The following KCNMA1 variants were observed in gnomAD, a reference collection of about 807,000 sequenced individuals.
KCNMA1 encodes the protein Calcium-activated potassium channel subunit alpha-1.
KCNMA1 carries 29 observed loss-of-function variants against 140.0 expected under a neutral mutation model. The observed-to-expected ratio is 0.21, with a 90% CI of 0.15 to 0.28. The LOEUF is 0.28. Among genes scored for constraint, KCNMA1 ranks in the 10% least tolerant of loss-of-function variants. KCNMA1 has a pLI of 1.00. For missense variants in KCNMA1, 880 were observed against 1,602.2 expected, an observed-to-expected ratio of 0.55 and a Z score of 7.70; for synonymous variants, 612 against 611.9, an observed-to-expected ratio of 1.00 and a Z score of 0.00.
At chr10:77,194,380 C>A (rs1309259318) in intron 3 of KCNMA1, among the ~76,000 whole-genome samples, 1 of 152,136 alleles carries the variant, frequency 6.6e-6, no homozygotes, top group African/African-American at 2.4e-5. Context: ...GCCTTGGACT[C>A]TTTGGGCCTC....
intron 23 of KCNMA1, among the ~76,000 whole-genome samples, chr10:76,917,296 A>G (rs1004707363): frequency 2.0e-5 from 3 of 152,202 alleles, no homozygotes; most frequent in Non-Finnish European, 4.4e-5. Context: ...ATCCATCATC[A>G]AATGCTGACT....
chr10:76,997,856 AC>A (rs2084900596), intron 19 of KCNMA1, among the ~76,000 whole-genome samples: 1 of 152,228 alleles, frequency 6.6e-6, no homozygotes, highest in African/African-American at 2.4e-5. Context: ...TGGAAACAAA[AC>A]CAAGATGATC....
At chr10:77,626,607 A>G (rs2092557090) in intron 1 of KCNMA1, among the ~76,000 whole-genome samples, 1 of 152,144 alleles carries the variant, frequency 6.6e-6, no homozygotes, top group Non-Finnish European at 1.5e-5. Flanking sequence ...TTCCAAAACC[A>G]CATAAAGAGA....
chr10:77,087,567 T>G (rs1359777906), intron 10 of KCNMA1, among the ~76,000 whole-genome samples: 1 of 152,156 alleles, frequency 6.6e-6, no homozygotes, highest in East Asian at 1.9e-4. Flanking sequence ...AGTATCACTC[T>G]GAGGAGCCAC....
chr10:77,511,596 ATG>A (rs2048425528), intron 1 of KCNMA1, among the ~76,000 whole-genome samples: 1 of 152,226 alleles, frequency 6.6e-6, no homozygotes, highest in Non-Finnish European at 1.5e-5. Context: ...AATTTCTGTG[ATG>A]CAGAAATAAA....
intron 19 of KCNMA1, chr10:76,977,464 T>C: frequency 1.5e-6 from 1 of 678,132 alleles, no homozygotes; most frequent in Non-Finnish European, 2.7e-6. Context: ...CCCTGGCTGC[T>C]TCCATCTCTA....
chr10:76,959,916 T>C (rs761381354), intron 20 of KCNMA1, among the ~76,000 whole-genome samples: 29 of 152,088 alleles, frequency 1.9e-4, no homozygotes, highest in Non-Finnish European at 3.5e-4. Flanking sequence ...GGAAACAAAA[T>C]AGATAAGTAA....
At chr10:77,078,820 C>T (rs1490794131) in intron 13 of KCNMA1, among the ~76,000 whole-genome samples, 1 of 152,182 alleles carries the variant, frequency 6.6e-6, no homozygotes, top group African/African-American at 2.4e-5. Flanking sequence ...GACTGCAGCA[C>T]ATACAAATAA....
At chr10:77,362,697 C>A (rs1431119394) in intron 2 of KCNMA1, among the ~76,000 whole-genome samples, 1 of 152,182 alleles carries the variant, frequency 6.6e-6, no homozygotes, top group Non-Finnish European at 1.5e-5. Context: ...ACTAGAATTG[C>A]TGCCAGTCTG....
intron 18 of KCNMA1, among the ~76,000 whole-genome samples, chr10:77,004,213 C>CCACACACACACACA (rs35789536): frequency 5.0e-4 from 72 of 144,458 alleles, no homozygotes; most frequent in African/African-American, 1.2e-3. Flanking sequence ...ACAAGTGCCA[C>CCACACACACACACA]CACACACACA....
At chr10:77,006,636 T>C (rs976894842) in intron 18 of KCNMA1, among the ~76,000 whole-genome samples, 1 of 152,228 alleles carries the variant, frequency 6.6e-6, no homozygotes, top group Non-Finnish European at 1.5e-5. Flanking sequence ...AAGAAAAAGC[T>C]AGTTAATGTC....
chr10:77,069,067 A>G (rs1310115482), intron 14 of KCNMA1, among the ~76,000 whole-genome samples: 2 of 152,190 alleles, frequency 1.3e-5, no homozygotes, highest in African/African-American at 4.8e-5. Flanking sequence ...CTTAAATTAC[A>G]TCCAAGTGAG....
chr10:77,010,518 G>A (rs996790329), intron 18 of KCNMA1, among the ~76,000 whole-genome samples: 14 of 152,088 alleles, frequency 9.2e-5, no homozygotes, highest in Non-Finnish European at 2.1e-4. Flanking sequence ...TACTCATCTC[G>A]ATAAGAGTCT....
In KCNMA1 at chr10:76,886,171, T is replaced by C; in HGVS notation, c.*1095A>G. 1.0e-6 allele frequency: 1 copy of C among 985,420 alleles called. No homozygotes were observed. The highest frequency in any genetic ancestry group is 1.2e-6 in the Non-Finnish European group (1 of 829,926). The allele number at this position is 985,420 out of a possible 1,614,324, so 61.0% of individuals were successfully genotyped here. ...GAAAAGCATGATCTGCAGCTGGGTT[T>C]GTCTTCCTCTCACTCTACCATTGCC... is the stretch of plus-strand genomic sequence containing the variant. On this transcript the variant is annotated 3_prime_UTR_variant, in exon 28 of 28. Transcript: ENST00000286628.
chr10:76,886,932 C>T lies in KCNMA1; in HGVS notation c.*334G>A. 1 of 1,169,446 alleles carries T rather than the reference C, an allele frequency of 8.6e-7. No homozygotes were observed. Among genetic ancestry groups the T allele is most frequent in the Non-Finnish European group, 1.1e-6 (1 of 936,618 alleles). 72.4% of individuals were successfully genotyped at this position (1,169,446 alleles called of 1,614,324 possible). ...TTCTTTTACATTAAATAAACTTGCT[C>T]TGCCTAACTGACGTTGATCACAAGT... On this transcript the variant is annotated 3_prime_UTR_variant, in exon 28 of 28. Transcript: ENST00000286628.
At chr10:77,382,901 TATAC>T (rs1274208258) in intron 2 of KCNMA1, among the ~76,000 whole-genome samples, 5 of 118,748 alleles carry the variant, frequency 4.2e-5, no homozygotes, top group African/African-American at 1.3e-4. Flanking sequence ...TATATATATA[TATAC>T]ACACACACAC....
At chr10:76,925,006 C>A (rs547560979) in intron 23 of KCNMA1, among the ~76,000 whole-genome samples, 12 of 152,270 alleles carry the variant, frequency 7.9e-5, no homozygotes, top group Non-Finnish European at 1.5e-4. Flanking sequence ...CCCTCCCAAC[C>A]CAGCTCCTGT....
intron 23 of KCNMA1, chr10:76,939,245 C>G (rs1353943957): frequency 6.6e-6 from 1 of 151,034 alleles, no homozygotes; most frequent in East Asian, 2.0e-4. Flanking sequence ...CTTAGCCTCC[C>G]AAGTAGCTGG....
chr10:77,552,620 A>G (rs1251607063), intron 1 of KCNMA1, among the ~76,000 whole-genome samples: 2 of 152,190 alleles, frequency 1.3e-5, no homozygotes, highest in Non-Finnish European at 2.9e-5. Flanking sequence ...CTGGGACTTA[A>G]TACCACAGAG....
Sources: gnomAD v4.1 joint callset for allele counts (sites outside exome capture counted in the v4.1 genomes callset) on GRCh38, gnomAD v4.1.1 for gene constraint, MANE v1.5 for transcripts, NCBI Gene and HGNC (gene_info 2026-07-23, HGNC 2026-07-21) for gene names.